Variants in LHFPL6 observed in about 807,000 individuals in gnomAD.
LHFPL6 encodes the protein LHFPL tetraspan subfamily member 6 protein.
LHFPL6 carries 9 observed loss-of-function variants against 20.6 expected under a neutral mutation model. That is an observed-to-expected ratio of 0.44 (90% CI 0.26 to 0.76). LHFPL6 has a LOEUF of 0.76. LHFPL6 is among the 30% of genes least tolerant of loss of function. The pLI is 0.20. For missense variants in LHFPL6, 218 were observed against 253.5 expected (o/e 0.86, Z 0.95); for synonymous variants, 105 against 98.7 (o/e 1.06, Z -0.38).
At chr13:39,377,429 T>C (rs1416959257) in intron 3 of LHFPL6, among the ~76,000 whole-genome samples, 1 of 152,202 alleles carries the variant, frequency 6.6e-6, no homozygotes, top group Non-Finnish European at 1.5e-5. Context: ...TTCATATTCT[T>C]TGATCTAGTA....
intron 2 of LHFPL6, among the ~76,000 whole-genome samples, chr13:39,472,021 C>T (rs187180857): frequency 6.6e-6 from 1 of 152,244 alleles, no homozygotes; most frequent in South Asian, 2.1e-4. Context: ...GAAATAAATA[C>T]TCCAGACAGG....
intron 2 of LHFPL6, among the ~76,000 whole-genome samples, chr13:39,539,456 C>A (rs188877854): frequency 1.3e-5 from 2 of 152,302 alleles, no homozygotes; most frequent in South Asian, 2.1e-4. Context: ...CAGCTTTTGA[C>A]GATAAGTGGA....
chr13:39,467,365 T>C (rs1172366836), intron 2 of LHFPL6, among the ~76,000 whole-genome samples: 2 of 152,340 alleles, frequency 1.3e-5, no homozygotes, highest in Admixed American at 1.3e-4. Flanking sequence ...CATTCATCTT[T>C]CATAATTTTT....
chr13:39,471,837 AT>A (rs1410620107), intron 2 of LHFPL6, among the ~76,000 whole-genome samples: 1 of 152,216 alleles, frequency 6.6e-6, no homozygotes, highest in Non-Finnish European at 1.5e-5. Context: ...CATGATAATC[AT>A]TCCCATTTAT....
chr13:39,383,071 T>C (rs573368839), intron 2 of LHFPL6, among the ~76,000 whole-genome samples: 64 of 152,300 alleles, frequency 4.2e-4, no homozygotes, highest in African/African-American at 1.5e-3. Flanking sequence ...AAAGGGAGTT[T>C]CAGACCAAAT....
intron 3 of LHFPL6, among the ~76,000 whole-genome samples, chr13:39,344,676 G>A (rs1484424644): frequency 1.3e-5 from 2 of 152,090 alleles, no homozygotes; most frequent in Admixed American, 6.6e-5. Context: ...TCTCAGAGTT[G>A]GATTAGTCTT....
At chr13:39,489,179 T>C (rs1383805135) in intron 2 of LHFPL6, among the ~76,000 whole-genome samples, 1 of 152,240 alleles carries the variant, frequency 6.6e-6, no homozygotes, top group African/African-American at 2.4e-5. Context: ...TCAAAACTGG[T>C]GTGCAAGTCA....
chr13:39,575,442 A>G (rs925254927), intron 2 of LHFPL6, among the ~76,000 whole-genome samples: 11 of 152,232 alleles, frequency 7.2e-5, no homozygotes, highest in Non-Finnish European at 1.5e-4. Flanking sequence ...ATTAAAAACT[A>G]GTATCATGAA....
chr13:39,356,766 G>A (rs564937448), intron 3 of LHFPL6, among the ~76,000 whole-genome samples: 1 of 152,312 alleles, frequency 6.6e-6, no homozygotes, highest in South Asian at 2.1e-4. Context: ...TTAATCTAGA[G>A]GAAATAGGTA....
chr13:39,518,094 C>G (rs1325870737), intron 2 of LHFPL6, among the ~76,000 whole-genome samples: 1 of 152,158 alleles, frequency 6.6e-6, no homozygotes, highest in African/African-American at 2.4e-5. Context: ...CAGGTCACCC[C>G]CTGCTTCGAT....
chr13:39,350,623 G>C (rs1056571796), intron 3 of LHFPL6, among the ~76,000 whole-genome samples: 2 of 152,170 alleles, frequency 1.3e-5, no homozygotes, highest in Non-Finnish European at 2.9e-5. Context: ...GATCCTTTCA[G>C]GAAATTAGAG....
At chr13:39,392,224 G>A (rs920923342) in intron 2 of LHFPL6, among the ~76,000 whole-genome samples, 3 of 152,030 alleles carry the variant, frequency 2.0e-5, no homozygotes, top group Non-Finnish European at 2.9e-5. Flanking sequence ...TACCACAAGC[G>A]GTCACAATGA....
intron 2 of LHFPL6, among the ~76,000 whole-genome samples, chr13:39,499,540 G>A (rs1271104364): frequency 6.7e-6 from 1 of 149,994 alleles, no homozygotes; most frequent in Non-Finnish European, 1.5e-5. Flanking sequence ...AGTCCACGAG[G>A]TCCAGGTGTA....
chr13:39,381,457 T>C (rs1184407876), intron 2 of LHFPL6, among the ~76,000 whole-genome samples: 2 of 152,026 alleles, frequency 1.3e-5, no homozygotes, highest in African/African-American at 4.8e-5. Flanking sequence ...TTTTCTTCCT[T>C]CTCTCCCCTC....
chr13:39,544,965 G>A (rs558558997), intron 2 of LHFPL6, among the ~76,000 whole-genome samples: 5 of 151,454 alleles, frequency 3.3e-5, no homozygotes, highest in African/African-American at 7.3e-5. Flanking sequence ...CAAGGGGGCC[G>A]GGCACAGTGG....
chr13:39,577,657 A>G (rs1343568378), intron 2 of LHFPL6, among the ~76,000 whole-genome samples: 1 of 151,936 alleles, frequency 6.6e-6, no homozygotes, highest in Non-Finnish European at 1.5e-5. Flanking sequence ...TTTAAGACAG[A>G]GTCTCACTCT....
chr13:39,503,353 C>T (rs1237086689), intron 2 of LHFPL6, among the ~76,000 whole-genome samples: 1 of 152,166 alleles, frequency 6.6e-6, no homozygotes, highest in Non-Finnish European at 1.5e-5. Context: ...AACTCTCTTG[C>T]CTCCTGTCTC....
intron 2 of LHFPL6, among the ~76,000 whole-genome samples, chr13:39,514,115 T>C (rs1869820954): frequency 6.6e-6 from 1 of 152,184 alleles, no homozygotes; most frequent in Admixed American, 6.5e-5. Context: ...TCCCAGCTAC[T>C]GATCATTTAA....
At chr13:39,375,496 GC>G (rs1220217515) in intron 3 of LHFPL6, among the ~76,000 whole-genome samples, 1 of 152,114 alleles carries the variant, frequency 6.6e-6, no homozygotes, top group African/African-American at 2.4e-5. Context: ...TTCGAGACTA[GC>G]CTGGCCAACA....
Sources: allele counts gnomAD v4.1 joint callset (sites outside exome capture counted in the v4.1 genomes callset), GRCh38; gene constraint gnomAD v4.1.1; transcripts MANE v1.5; gene names NCBI Gene and HGNC (gene_info 2026-07-23, HGNC 2026-07-21).